ATXN1: variants seen among roughly 807,000 people sequenced by gnomAD.
ATXN1 encodes the protein ataxin-1.
ATXN1 carries 8 observed loss-of-function variants against 56.4 expected under a neutral mutation model. The ratio of observed to expected loss-of-function variants is 0.14; its 90% CI spans 0.08 to 0.26. The LOEUF (loss-of-function observed/expected upper bound fraction) is 0.26, where lower values mean the gene tolerates loss of function less well. Among genes scored for constraint, ATXN1 ranks in the 10% least tolerant of loss-of-function variants. ATXN1 has a pLI of 1.00. For missense variants in ATXN1, 987 were observed against 1,106.5 expected (o/e 0.89, Z 1.53); for synonymous variants, 514 against 494.6 (o/e 1.04, Z -0.52).
intron 6 of ATXN1, among the ~76,000 whole-genome samples, chr6:16,338,220 G>A (rs572673729): frequency 5.9e-5 from 9 of 152,284 alleles, no homozygotes; most frequent in African/African-American, 1.4e-4. Flanking sequence ...TTGGCCGGGC[G>A]TGGTGGCTCA....
intron 7 of ATXN1, among the ~76,000 whole-genome samples, chr6:16,323,422 G>T (rs556561100): frequency 6.7e-6 from 1 of 148,524 alleles, no homozygotes; most frequent in Admixed American, 6.9e-5. Context: ...GGGAGGCTGA[G>T]GCAGAAGAAT....
At chr6:16,742,726 G>C (rs369989040) in intron 2 of ATXN1, among the ~76,000 whole-genome samples, 30 of 152,266 alleles carry the variant, frequency 2.0e-4, no homozygotes, top group Non-Finnish European at 2.6e-4. Context: ...TCACCCGGCC[G>C]GCCAACTCAA....
At chr6:16,447,449 C>T (rs62387750) in intron 6 of ATXN1, among the ~76,000 whole-genome samples, 39,057 of 152,034 alleles carry the variant, frequency 0.26, 6,084 homozygotes, top group Non-Finnish European at 0.34. Flanking sequence ...GTCTCAAACT[C>T]CTGGCCTCAA....
chr6:16,463,666 C>A (rs1760043792), intron 6 of ATXN1, among the ~76,000 whole-genome samples: 1 of 152,204 alleles, frequency 6.6e-6, no homozygotes, highest in Non-Finnish European at 1.5e-5. Context: ...TTTACACTAA[C>A]CACTCAGGGA....
intron 6 of ATXN1, among the ~76,000 whole-genome samples, chr6:16,381,942 A>C (rs1355514048): frequency 6.6e-6 from 1 of 152,256 alleles, no homozygotes; most frequent in African/African-American, 2.4e-5. Context: ...ATAGATTTAG[A>C]CATGGAGTTA....
chr6:16,547,267 A>G (rs2113723575), intron 4 of ATXN1, among the ~76,000 whole-genome samples: 1 of 152,352 alleles, frequency 6.6e-6, no homozygotes, highest in East Asian at 1.9e-4. Context: ...TGGGGAGGTG[A>G]TGGCAATGAG....
At chr6:16,579,500 G>A (rs895213810) in intron 4 of ATXN1, among the ~76,000 whole-genome samples, 1 of 27,200 alleles carries the variant, frequency 3.7e-5, no homozygotes, top group Non-Finnish European at 1.2e-4. Context: ...CCCACCCGCC[G>A]ATTCATTCCC....
intron 4 of ATXN1, among the ~76,000 whole-genome samples, chr6:16,561,472 A>T (rs144759115): frequency 6.0e-4 from 92 of 152,350 alleles, no homozygotes; most frequent in African/African-American, 2.1e-3. Context: ...GTTCCCATAG[A>T]GCCATACTTT....
intron 3 of ATXN1, among the ~76,000 whole-genome samples, chr6:16,605,361 G>A (rs193046876): frequency 6.4e-4 from 98 of 152,316 alleles, no homozygotes; most frequent in Admixed American, 1.7e-3. Flanking sequence ...GAGGCTTAAA[G>A]AGGGTATGAC....
chr6:16,319,733 CA>C (rs1760600420), intron 7 of ATXN1, among the ~76,000 whole-genome samples: 1 of 152,076 alleles, frequency 6.6e-6, no homozygotes, highest in South Asian at 2.1e-4. Flanking sequence ...CTGCTTTAAA[CA>C]ATAGTCTTTA....
intron 5 of ATXN1, among the ~76,000 whole-genome samples, chr6:16,493,941 C>T (rs1760722104): frequency 6.6e-6 from 1 of 152,202 alleles, no homozygotes. Context: ...GCCAGGGCTG[C>T]TGGCAATTGC....
rs59118746 is a variant in ATXN1, at chr6:16,443,927, T to C, written c.-161+42045A>G. 8.9e-4 allele frequency among the ~76,000 whole-genome samples: 136 copies of C among 152,172 alleles called. 2 individuals are homozygous for C. The East Asian group carries it at 0.015, about 16-fold the overall frequency. ...GTCAGGAGATCGAGACCATCCTGGC[T>C]AACACAGTGAAACCCCGTCTCTACT... On this transcript the variant is annotated intron_variant, in intron 6 of 7. Transcript: ENST00000436367.
rs1433322165 is a variant in ATXN1, at chr6:16,612,988, G to A, written c.-488-27081C>T. On this transcript the variant is annotated intron_variant, in intron 3 of 7. Transcript: ENST00000436367. Reference sequence around the variant, plus strand: ...ATGTGAGATAAAAATTATTTTGGCCGGGCGCGGTGGCTCACGCCTGTAATC... The same window carrying A: ...ATGTGAGATAAAAATTATTTTGGCCAGGCGCGGTGGCTCACGCCTGTAATC... 2.0e-4 allele frequency among the ~76,000 whole-genome samples: 30 copies of A among 151,886 alleles called. 1 individual carries two copies. Among genetic ancestry groups the A allele is most frequent in the African/African-American group, 9.6e-5 (4 of 41,516 alleles).
chr6:16,454,123 C>T, intron 6 of ATXN1, among the ~76,000 whole-genome samples: 1 of 73,674 alleles, frequency 1.4e-5, no homozygotes, highest in South Asian at 5.9e-4. Context: ...GAGACTCTGT[C>T]TCAAAAAAAA....
At chr6:16,355,584 C>T (rs552475257) in intron 6 of ATXN1, among the ~76,000 whole-genome samples, 84 of 150,824 alleles carry the variant, frequency 5.6e-4, no homozygotes, top group African/African-American at 1.9e-3. Context: ...TTTTTTGAGA[C>T]GGAGTCTCGC....
chr6:16,347,911 C>G (rs1277864413), intron 6 of ATXN1, among the ~76,000 whole-genome samples: 1 of 152,232 alleles, frequency 6.6e-6, no homozygotes, highest in East Asian at 1.9e-4. Context: ...CTTGCTGCTG[C>G]TGTTCACTCT....
chr6:16,730,791 G>A (rs1759958715), intron 2 of ATXN1, among the ~76,000 whole-genome samples: 1 of 151,982 alleles, frequency 6.6e-6, no homozygotes. Context: ...AAAGCTAATT[G>A]AAGCATAAAG....
At chr6:16,367,177 C>T (rs949828215) in intron 6 of ATXN1, among the ~76,000 whole-genome samples, 5 of 152,216 alleles carry the variant, frequency 3.3e-5, no homozygotes, top group Admixed American at 1.3e-4. Flanking sequence ...GGAAAGCACA[C>T]ATTTGCCAGT....
chr6:16,505,452 A>G (rs1487001726), intron 5 of ATXN1, among the ~76,000 whole-genome samples: 2 of 152,230 alleles, frequency 1.3e-5, no homozygotes, highest in African/African-American at 4.8e-5. Flanking sequence ...AAAGTTAATA[A>G]GGGAAAGAAC....
Sources: allele counts gnomAD v4.1 joint callset (sites outside exome capture counted in the v4.1 genomes callset), GRCh38; gene constraint gnomAD v4.1.1; transcripts MANE v1.5; gene names NCBI Gene and HGNC (gene_info 2026-07-23, HGNC 2026-07-21).